The following DLG2 variants were observed in gnomAD, a reference collection of about 807,000 sequenced individuals.
DLG2 encodes the protein disks large homolog 2.
DLG2 carries 45 observed loss-of-function variants against 132.5 expected under a neutral mutation model. That is an observed-to-expected ratio of 0.34 (90% CI 0.27 to 0.44). DLG2 has a LOEUF of 0.44. Among genes scored for constraint, DLG2 ranks in the 20% least tolerant of loss-of-function variants. DLG2 has a pLI of 1.00. For synonymous variants in DLG2, 424 were observed against 419.6 expected (o/e 1.01, Z -0.13); for missense variants, 1,045 against 1,196.9 (o/e 0.87, Z 1.87).
At chr11:84,553,885 T>C (rs753509114) in intron 6 of DLG2, among the ~76,000 whole-genome samples, 24 of 152,334 alleles carry the variant, frequency 1.6e-4, no homozygotes, top group Non-Finnish European at 2.5e-4. Flanking sequence ...GGGGGGAATA[T>C]TCAATTAAAA....
chr11:85,011,619 C>T (rs781641668), intron 6 of DLG2, among the ~76,000 whole-genome samples: 12 of 152,302 alleles, frequency 7.9e-5, no homozygotes, highest in African/African-American at 1.2e-4. Flanking sequence ...CTCAGTTTCT[C>T]CATATGTTAA....
At position 84,640,326 on chromosome 11, in the gene DLG2, A is replaced by C. The variant is rs772626113; in HGVS notation, c.358-105595T>G. 75 of 348,810 alleles carry C rather than the reference A, an allele frequency of 2.2e-4. 1 individual carries two copies. Among genetic ancestry groups the C allele is most frequent in the Non-Finnish European group, 4.0e-4 (71 of 178,898 alleles). The allele number at this position is 348,810 out of a possible 1,614,324, so 21.6% of individuals were successfully genotyped here. On this transcript the variant is annotated intron_variant, in intron 6 of 27. Coordinates refer to ENST00000376104, the MANE Select transcript of DLG2 (RefSeq NM_001142699.3). ...CTAGGAGAATGGGTCTCTTGTTGAC[A>C]TCCGAAATTTCTTGGATGAAAAATA...
intron 3 of DLG2, among the ~76,000 whole-genome samples, chr11:85,391,246 T>C (rs1171993774): frequency 4.0e-5 from 6 of 151,786 alleles, no homozygotes; most frequent in Non-Finnish European, 7.4e-5. Flanking sequence ...CAGAAAGAAA[T>C]AGAAACTCTG....
chr11:84,061,853 A>C (rs2096596387), intron 10 of DLG2, among the ~76,000 whole-genome samples: 1 of 12,116 alleles, frequency 8.3e-5, no homozygotes, highest in Non-Finnish European at 2.3e-4. Flanking sequence ...CTGATTGACA[A>C]AAAAAAAAAA....
Position 85,342,694 on chromosome 11 carries a change from G to A in DLG2, c.41-57329C>T, listed in dbSNP as rs150181201. On this transcript the variant is annotated intron_variant, in intron 3 of 27. Transcript: ENST00000376104. The stretch of plus-strand genomic sequence containing the variant: ...TAGACTTTTATACAACTGGCAGCAC[G>A]GTAGGTTTGTTTATACCAGCATCGC... Among the ~76,000 whole-genome samples the A allele has an allele frequency of 1.9e-3, 282 of 152,196 alleles. 1 individual carries two copies. Among genetic ancestry groups the A allele is most frequent in the Non-Finnish European group, 3.1e-3 (209 of 67,984 alleles).
At chr11:85,330,715 C>G (rs1437046889) in intron 3 of DLG2, among the ~76,000 whole-genome samples, 10 of 92,910 alleles carry the variant, frequency 1.1e-4, no homozygotes, top group African/African-American at 4.3e-4. Context: ...CAGCATGGCA[C>G]ATGTATACAT....
intron 6 of DLG2, among the ~76,000 whole-genome samples, chr11:84,760,584 C>T (rs1479559808): frequency 3.9e-5 from 6 of 152,192 alleles, no homozygotes; most frequent in African/African-American, 7.2e-5. Context: ...GAGTTAGCAG[C>T]GGCCCCACAA....
At chr11:84,166,036 A>G (rs147178755) in intron 8 of DLG2, among the ~76,000 whole-genome samples, 2 of 152,348 alleles carry the variant, frequency 1.3e-5, no homozygotes, top group Non-Finnish European at 2.9e-5. Context: ...AGGAGCATTT[A>G]GAGCACGGAA....
intron 6 of DLG2, among the ~76,000 whole-genome samples, chr11:84,611,292 C>T (rs1179983127): frequency 1.3e-5 from 2 of 152,062 alleles, no homozygotes; most frequent in Non-Finnish European, 2.9e-5. Flanking sequence ...GTGTTAAAGG[C>T]AACAGACAAA....
chr11:84,262,755 C>T lies in DLG2; in HGVS notation c.520-11464G>A, dbSNP rs183333512. Among the ~76,000 whole-genome samples, 367 of 152,278 alleles carry T rather than the reference C, an allele frequency of 2.4e-3. 1 individual carries two copies. Among genetic ancestry groups the T allele is most frequent in the Middle Eastern group, 0.02 (6 of 294 alleles). On this transcript the variant is annotated intron_variant, in intron 7 of 27. Transcript: ENST00000376104. ...TTGCATCCTCAGAGCTTAGCTCCCA[C>T]ATATCAGTGAGAACATACAATGTTT...
chr11:85,129,195 T>A (rs757731966), intron 5 of DLG2, among the ~76,000 whole-genome samples: 1 of 152,188 alleles, frequency 6.6e-6, no homozygotes, highest in Non-Finnish European at 1.5e-5. Context: ...GATGACTCAA[T>A]CTTCTGAAAG....
At chr11:85,156,506 A>G (rs1424358086) in intron 4 of DLG2, among the ~76,000 whole-genome samples, 2 of 152,220 alleles carry the variant, frequency 1.3e-5, no homozygotes, top group African/African-American at 4.8e-5. Context: ...TAGCCTCTGT[A>G]TCAGAAACAT....
intron 3 of DLG2, among the ~76,000 whole-genome samples, chr11:85,532,762 T>C (rs1415876702): frequency 2.6e-5 from 4 of 152,194 alleles, no homozygotes; most frequent in South Asian, 2.1e-4. Flanking sequence ...GATCTGCCCA[T>C]AGAAAAGGCT....
intron 21 of DLG2, among the ~76,000 whole-genome samples, chr11:83,517,340 C>T (rs1470008159): frequency 1.3e-5 from 2 of 152,190 alleles, no homozygotes; most frequent in Admixed American, 6.5e-5. Flanking sequence ...GCATTCGTCA[C>T]GTAGTTCTCA....
At chr11:85,512,601 C>A (rs1030017088) in intron 3 of DLG2, among the ~76,000 whole-genome samples, 1 of 152,002 alleles carries the variant, frequency 6.6e-6, no homozygotes, top group African/African-American at 2.4e-5. Context: ...AAATCAGTCT[C>A]CTAGCCAGGT....
chr11:84,830,696 T>C (rs1182585143), intron 6 of DLG2, among the ~76,000 whole-genome samples: 1 of 151,544 alleles, frequency 6.6e-6, no homozygotes, highest in Non-Finnish European at 1.5e-5. Context: ...TGCATAAATG[T>C]AAAATGAGAG....
At chr11:85,354,312 C>T (rs1447623272) in intron 3 of DLG2, among the ~76,000 whole-genome samples, 1 of 152,068 alleles carries the variant, frequency 6.6e-6, no homozygotes, top group African/African-American at 2.4e-5. Flanking sequence ...TTTATTGTCT[C>T]CTATACACCA....
intron 6 of DLG2, among the ~76,000 whole-genome samples, chr11:85,028,155 G>A (rs2060694573): frequency 6.6e-6 from 1 of 152,116 alleles, no homozygotes; most frequent in African/African-American, 2.4e-5. Context: ...CCTTTCTGCA[G>A]GCAGGTTGTC....
intron 4 of DLG2, among the ~76,000 whole-genome samples, chr11:85,258,254 C>T (rs940727397): frequency 1.3e-5 from 2 of 152,046 alleles, no homozygotes; most frequent in Non-Finnish European, 2.9e-5. Context: ...CAATATAGTC[C>T]TCTCCACTAT....
Sources: gnomAD v4.1 joint callset for allele counts (sites outside exome capture counted in the v4.1 genomes callset) on GRCh38, gnomAD v4.1.1 for gene constraint, MANE v1.5 for transcripts, NCBI Gene and HGNC (gene_info 2026-07-23, HGNC 2026-07-21) for gene names.